Variants in CFAP299 observed in about 807,000 individuals in gnomAD.
CFAP299 encodes the protein cilia- and flagella-associated protein 299.
CFAP299 carries 21 observed loss-of-function variants against 27.0 expected under a neutral mutation model. The ratio of observed to expected loss-of-function variants is 0.78; its 90% CI spans 0.55 to 1.12. The LOEUF is 1.12. Among genes scored for constraint, CFAP299 ranks in the 50% most tolerant of loss-of-function variants. The pLI is 0.00. For synonymous variants in CFAP299, 104 were observed against 98.1 expected, an observed-to-expected ratio of 1.06 and a Z score of -0.36; for missense variants, 310 against 276.6, an observed-to-expected ratio of 1.12 and a Z score of -0.86.
chr4:80,419,401 T>C (rs1727177503), intron 2 of CFAP299, among the ~76,000 whole-genome samples: 1 of 152,182 alleles, frequency 6.6e-6, no homozygotes, highest in Non-Finnish European at 1.5e-5. Context: ...GTCCTCATGC[T>C]CACTTGAGGT....
At chr4:80,834,230 G>A (rs1730444426) in intron 3 of CFAP299, among the ~76,000 whole-genome samples, 1 of 152,132 alleles carries the variant, frequency 6.6e-6, no homozygotes, top group Non-Finnish European at 1.5e-5. Flanking sequence ...AGACTCACTT[G>A]TGATTAAAGG....
intron 3 of CFAP299, among the ~76,000 whole-genome samples, chr4:80,841,861 A>AGCCCTTTTCT (rs1339384309): frequency 1.3e-5 from 2 of 152,066 alleles, no homozygotes; most frequent in Non-Finnish European, 2.9e-5. Context: ...TTTTAACCCA[A>AGCCCTTTTCT]GCCCTTTTCT....
At chr4:80,378,819 T>C (rs1484376771) in intron 2 of CFAP299, among the ~76,000 whole-genome samples, 1 of 152,124 alleles carries the variant, frequency 6.6e-6, no homozygotes, top group Non-Finnish European at 1.5e-5. Flanking sequence ...TAATATTTTG[T>C]TGAGAATTTT....
chr4:80,776,353 T>C (rs1222918285), intron 3 of CFAP299, among the ~76,000 whole-genome samples: 1 of 152,132 alleles, frequency 6.6e-6, no homozygotes, highest in Non-Finnish European at 1.5e-5. Context: ...CTCGTGGTGC[T>C]TCTTAACTTG....
At chr4:80,590,211 C>T (rs927347990) in intron 3 of CFAP299, among the ~76,000 whole-genome samples, 1 of 152,202 alleles carries the variant, frequency 6.6e-6, no homozygotes, top group Non-Finnish European at 1.5e-5. Flanking sequence ...CAAAATGACA[C>T]TCCGTCACTG....
At chr4:80,882,955 AG>A (rs1486641327) in intron 4 of CFAP299, among the ~76,000 whole-genome samples, 1 of 152,194 alleles carries the variant, frequency 6.6e-6, no homozygotes, top group Non-Finnish European at 1.5e-5. Context: ...GCTGATTAGA[AG>A]CATGAAAATA....
At chr4:80,539,123 T>C (rs1733881395) in intron 2 of CFAP299, among the ~76,000 whole-genome samples, 7 of 152,234 alleles carry the variant, frequency 4.6e-5, no homozygotes, top group Admixed American at 4.6e-4. Flanking sequence ...AGTAGATATA[T>C]TGGTCATTTT....
rs913771736 is a variant in CFAP299, at chr4:80,409,590, T to C, written c.242+46706T>C. Among the ~76,000 whole-genome samples the C allele has an allele frequency of 4.7e-4, 71 of 152,312 alleles. 1 individual carries two copies. The highest frequency in any genetic ancestry group is 1.7e-3 in the African/African-American group (69 of 41,576). On this transcript the variant is annotated intron_variant, in intron 2 of 5. Transcript: ENST00000358105. ...GTTTTTAAAATGTCATCAAGATGTA[T>C]TGATGGTTATTTCATGGATTTCATG...
At chr4:80,853,834 G>T (rs1731669130) in intron 3 of CFAP299, among the ~76,000 whole-genome samples, 1 of 152,154 alleles carries the variant, frequency 6.6e-6, no homozygotes, top group Non-Finnish European at 1.5e-5. Context: ...AAGAAGATTT[G>T]GTTGAGGTGG....
In CFAP299 at chr4:80,959,505, G is replaced by A. The variant is rs114315357; in HGVS notation, c.607-4012G>A. On this transcript the variant is annotated intron_variant, in intron 5 of 5. Coordinates refer to ENST00000358105, the MANE Select transcript of CFAP299 (RefSeq NM_152770.3). Reference sequence around the variant, plus strand: ...GTTAAAAACAAGTAAAGCAGAAAGGGCAATGAAAAAAAAATTTAGGAACTT... The same window carrying A: ...GTTAAAAACAAGTAAAGCAGAAAGGACAATGAAAAAAAAATTTAGGAACTT... 8.8e-3 allele frequency among the ~76,000 whole-genome samples: 1,334 copies of A among 151,604 alleles called. 7 individuals carry two copies. Among genetic ancestry groups the A allele is most frequent in the Middle Eastern group, 0.017 (5 of 294 alleles).
chr4:80,761,814 T>C (rs186825197), intron 3 of CFAP299, among the ~76,000 whole-genome samples: 1 of 152,194 alleles, frequency 6.6e-6, no homozygotes, highest in Admixed American at 6.5e-5. Flanking sequence ...AAAATGGGAT[T>C]TTAATATTTG....
At chr4:80,905,885 C>T (rs1578228610) in intron 4 of CFAP299, among the ~76,000 whole-genome samples, 1 of 152,130 alleles carries the variant, frequency 6.6e-6, no homozygotes, top group Admixed American at 6.6e-5. Flanking sequence ...GGTGGTGGTA[C>T]AGCCAAATCA....
intron 3 of CFAP299, among the ~76,000 whole-genome samples, chr4:80,817,863 G>A (rs1729502885): frequency 6.6e-6 from 1 of 150,996 alleles, no homozygotes; most frequent in Non-Finnish European, 1.5e-5. Context: ...TAAGTTCAGA[G>A]GTACATGTGC....
chr4:80,713,492 C>G (rs991092942), intron 3 of CFAP299, among the ~76,000 whole-genome samples: 1 of 152,198 alleles, frequency 6.6e-6, no homozygotes, highest in Non-Finnish European at 1.5e-5. Context: ...TTAGAAGAAT[C>G]CCACAAAGAC....
chr4:80,558,350 G>GTTTTTTTTTTTTTTTTTTTT (rs1352651407), intron 2 of CFAP299, among the ~76,000 whole-genome samples: 5 of 132,246 alleles, frequency 3.8e-5, no homozygotes, highest in African/African-American at 1.2e-4. Context: ...TTTTTTGTTT[G>GTTTTTTTTTTTTTTTTTTTT]TTTGTTTGTT....
chr4:80,631,346 G>A (rs1739196237), intron 3 of CFAP299, among the ~76,000 whole-genome samples: 2 of 151,992 alleles, frequency 1.3e-5, no homozygotes. Context: ...TTGTATGAGA[G>A]TCAGTGCAAA....
intron 3 of CFAP299, among the ~76,000 whole-genome samples, chr4:80,692,433 A>G (rs1720781410): frequency 1.3e-5 from 2 of 152,220 alleles, no homozygotes; most frequent in African/African-American, 4.8e-5. Flanking sequence ...TGAGAAAAGC[A>G]AGCAATGGGG....
intron 2 of CFAP299, among the ~76,000 whole-genome samples, chr4:80,528,149 G>C (rs1260507447): frequency 8.1e-6 from 1 of 123,970 alleles, no homozygotes; most frequent in Non-Finnish European, 1.8e-5. Flanking sequence ...ATACTAGTTA[G>C]ATCATTTTCA....
chr4:80,916,797 T>G (rs1282838132), intron 4 of CFAP299, among the ~76,000 whole-genome samples: 1 of 152,136 alleles, frequency 6.6e-6, no homozygotes. Context: ...AGTTACAATT[T>G]GATTTAAGAG....
Sources: gnomAD v4.1 joint callset for allele counts (sites outside exome capture counted in the v4.1 genomes callset) on GRCh38, gnomAD v4.1.1 for gene constraint, MANE v1.5 for transcripts, NCBI Gene and HGNC (gene_info 2026-07-23, HGNC 2026-07-21) for gene names.